NYAP2: variants seen among roughly 807,000 people sequenced by gnomAD.
NYAP2 encodes the protein neuronal tyrosine-phosphorylated phosphoinositide-3-kinase adapter 2.
NYAP2 carries 23 observed loss-of-function variants against 50.4 expected under a neutral mutation model. That is an observed-to-expected ratio of 0.46 (90% CI 0.33 to 0.65). The LOEUF is 0.65. Among genes scored for constraint, NYAP2 ranks in the 30% least tolerant of loss-of-function variants. The pLI, the probability that NYAP2 is intolerant of heterozygous loss-of-function variation, is 0.02. For missense variants in NYAP2, 885 were observed against 861.0 expected (o/e 1.03, Z -0.35); for synonymous variants, 394 against 365.2 (o/e 1.08, Z -0.90).
chr2:225,632,233 G>A (rs1347218318), intron 6 of NYAP2, among the ~76,000 whole-genome samples: 2 of 152,316 alleles, frequency 1.3e-5, no homozygotes, highest in Non-Finnish European at 2.9e-5. Context: ...AAGACAATGA[G>A]TCAGTATTAA....
At chr2:225,469,648 C>T (rs1296563764) in intron 3 of NYAP2, among the ~76,000 whole-genome samples, 1 of 152,178 alleles carries the variant, frequency 6.6e-6, no homozygotes, top group East Asian at 1.9e-4. Context: ...GGCACATATA[C>T]ACCATGGAAT....
intron 3 of NYAP2, among the ~76,000 whole-genome samples, chr2:225,410,420 T>C (rs796443408): frequency 9.2e-5 from 14 of 152,138 alleles, no homozygotes; most frequent in African/African-American, 3.4e-4. Flanking sequence ...AATGCCTTCT[T>C]AGGACATTTT....
intron 3 of NYAP2, among the ~76,000 whole-genome samples, chr2:225,456,285 G>A (rs140223324): frequency 3.3e-5 from 5 of 152,236 alleles, no homozygotes; most frequent in East Asian, 3.9e-4. Context: ...TTGACACTGC[G>A]AGCTCCTCAT....
chr2:225,526,409 A>C (rs1268133169), intron 4 of NYAP2, among the ~76,000 whole-genome samples: 1 of 152,194 alleles, frequency 6.6e-6, no homozygotes. Context: ...AGGGTGGTTA[A>C]GACAACAGCA....
chr2:225,673,562 G>C, the NYAP2 span, among the ~76,000 whole-genome samples: 1 of 151,986 alleles, frequency 6.6e-6, no homozygotes. Context: ...CACAATCTTT[G>C]GATTATTGCT....
At chr2:225,457,764 A>G (rs932657649) in intron 3 of NYAP2, among the ~76,000 whole-genome samples, 3 of 152,214 alleles carry the variant, frequency 2.0e-5, no homozygotes, top group African/African-American at 7.2e-5. Context: ...GTTAATCAAG[A>G]CCAAAGGTCA....
chr2:225,480,353 A>C (rs549595991), intron 3 of NYAP2, among the ~76,000 whole-genome samples: 11 of 152,210 alleles, frequency 7.2e-5, no homozygotes, highest in Non-Finnish European at 1.5e-4. Flanking sequence ...TCTGATACAA[A>C]CCAAAATGTA....
intron 3 of NYAP2, among the ~76,000 whole-genome samples, chr2:225,466,886 G>T (rs1689927449): frequency 1.3e-5 from 2 of 152,174 alleles, no homozygotes; most frequent in Admixed American, 1.3e-4. Context: ...CAGAAGGAGA[G>T]GCCGAGGCAA....
At chr2:225,635,920 C>T (rs1574722395) in intron 6 of NYAP2, among the ~76,000 whole-genome samples, 1 of 152,192 alleles carries the variant, frequency 6.6e-6, no homozygotes. Context: ...TTGATGTCTG[C>T]AAATGTGTAC....
chr2:225,417,333 C>G (rs567894145), intron 3 of NYAP2, among the ~76,000 whole-genome samples: 2 of 152,034 alleles, frequency 1.3e-5, no homozygotes, highest in Non-Finnish European at 2.9e-5. Flanking sequence ...TGTGGGTTAC[C>G]TTAAAATTAA....
At chr2:225,661,330 CTTT>C in the NYAP2 span, among the ~76,000 whole-genome samples, 1 of 152,194 alleles carries the variant, frequency 6.6e-6, no homozygotes, top group Non-Finnish European at 1.5e-5. Context: ...CACTAGAGAT[CTTT>C]AGCACTAGCA....
chr2:225,557,639 G>T (rs978004694), intron 4 of NYAP2, among the ~76,000 whole-genome samples: 1 of 152,124 alleles, frequency 6.6e-6, no homozygotes, highest in Non-Finnish European at 1.5e-5. Context: ...AAATAATTGA[G>T]CTGAGAATAA....
At chr2:225,423,858 TC>T (rs1695250538) in intron 3 of NYAP2, among the ~76,000 whole-genome samples, 1 of 152,178 alleles carries the variant, frequency 6.6e-6, no homozygotes, top group Admixed American at 6.6e-5. Context: ...TAGTTTCAAC[TC>T]CTTGAGCAGT....
At chr2:225,601,942 T>C (rs886963971) in intron 5 of NYAP2, among the ~76,000 whole-genome samples, 1 of 152,218 alleles carries the variant, frequency 6.6e-6, no homozygotes, top group African/African-American at 2.4e-5. Context: ...ATTCAAGAAG[T>C]TATTGTCAAA....
intron 3 of NYAP2, among the ~76,000 whole-genome samples, chr2:225,467,603 GTC>G (rs1689941421): frequency 6.6e-6 from 1 of 152,132 alleles, no homozygotes. Flanking sequence ...GACTATCAAA[GTC>G]TCACTGCCTT....
At chr2:225,536,856 G>T (rs1218256869) in intron 4 of NYAP2, among the ~76,000 whole-genome samples, 2 of 151,020 alleles carry the variant, frequency 1.3e-5, no homozygotes, top group Admixed American at 1.3e-4. Context: ...TCGTCTCACT[G>T]CAAGCTCCGC....
chr2:225,419,189 A>G (rs898450929), intron 3 of NYAP2, among the ~76,000 whole-genome samples: 1 of 152,212 alleles, frequency 6.6e-6, no homozygotes, highest in African/African-American at 2.4e-5. Context: ...GACAGTCACA[A>G]ATCCTGTAAT....
At chr2:225,581,904 A>G (rs759162250) in intron 4 of NYAP2, 37 bp from the exon 5 acceptor site, 21 of 1,552,144 alleles carry the variant, frequency 1.4e-5, no homozygotes, top group Middle Eastern at 1.7e-4. Flanking sequence ...CTTTCCTATT[A>G]TACTCATCTA....
intron 3 of NYAP2, among the ~76,000 whole-genome samples, chr2:225,504,236 C>CG (rs1397760886): frequency 6.6e-6 from 1 of 152,134 alleles, no homozygotes; most frequent in African/African-American, 2.4e-5. Flanking sequence ...GGTCCTGCTT[C>CG]GTGGTTCATT....
Sources: allele counts gnomAD v4.1 joint callset (sites outside exome capture counted in the v4.1 genomes callset), GRCh38; gene constraint gnomAD v4.1.1; transcripts MANE v1.5; gene names NCBI Gene and HGNC (gene_info 2026-07-23, HGNC 2026-07-21).